TMPRSS9: variants seen among roughly 807,000 people sequenced by gnomAD.
TMPRSS9 encodes transmembrane protease serine 9.
Under a neutral mutation model 111.4 loss-of-function variants are expected in TMPRSS9, and 113 were observed. The observed-to-expected ratio is 1.01, with a 90% CI of 0.87 to 1.19. TMPRSS9 has a LOEUF of 1.19. Among genes scored for constraint, TMPRSS9 ranks in the 50% most tolerant of loss-of-function variants. The pLI is 0.00. For synonymous variants in TMPRSS9, 805 were observed against 659.1 expected, an observed-to-expected ratio of 1.22 and a Z score of -3.39; for missense variants, 1,803 against 1,513.1, an observed-to-expected ratio of 1.19 and a Z score of -3.18.
At chr19:2,385,502 A>C (rs1353084733), upstream of TMPRSS9, among the ~76,000 whole-genome samples, 1 of 152,040 alleles carries the variant, frequency 6.6e-6, no homozygotes, top group African/African-American at 2.4e-5. Flanking sequence ...AAATCCTTTT[A>C]CATTTCAAAG....
chr19:2,396,458 G>C, intron 1 of TMPRSS9, 81 bp from the exon 3 acceptor site: 2 of 1,476,138 alleles, frequency 1.4e-6, no homozygotes, highest in Middle Eastern at 4.7e-4. Flanking sequence ...AGTGCAAACA[G>C]GGCGGGGCCT....
exon 1 of TMPRSS9, chr19:2,389,814 T>C: frequency 6.2e-7 from 1 of 1,613,868 alleles, no homozygotes; most frequent in Non-Finnish European, 8.5e-7. Flanking sequence ...GACGTACACC[T>C]CGTGCCCAGG....
chr19:2,376,016 G>T (rs1355985068), intron 1 of TMPRSS9, among the ~76,000 whole-genome samples: 1 of 152,092 alleles, frequency 6.6e-6, no homozygotes, highest in East Asian at 1.9e-4. Flanking sequence ...AGTCAGCATC[G>T]AGTAGCATTG....
chr19:2,375,158 A>G (rs1447040681), intron 1 of TMPRSS9, among the ~76,000 whole-genome samples: 95 of 152,178 alleles, frequency 6.2e-4, no homozygotes, highest in Non-Finnish European at 1.2e-4. Flanking sequence ...CCCCACGTCT[A>G]CACGTGGCAG....
At position 2,408,894 on chromosome 19, in the gene TMPRSS9, CAGG is replaced by C. The variant is rs530136466; in HGVS notation, c.1117+267_1117+269del. ...ATTCCAGCTACTCAGGAGGCTAAGG[CAGG>C]AGAATTGCTTGAACCCAGGAGATGG... On this transcript the variant is annotated intron_variant, in intron 8 of 17. Coordinates refer to ENST00000648592, the Ensembl canonical transcript of TMPRSS9. Among the ~76,000 whole-genome samples the C allele has an allele frequency of 1.4e-3, 209 of 151,194 alleles. 1 individual carries two copies. Among genetic ancestry groups the C allele is most frequent in the African/African-American group, 5.0e-3 (206 of 41,172 alleles).
intron 1 of TMPRSS9, among the ~76,000 whole-genome samples, chr19:2,371,237 G>A (rs540344834): frequency 2.0e-5 from 3 of 152,242 alleles, no homozygotes; most frequent in South Asian, 2.1e-4. Flanking sequence ...CTATTGCCTC[G>A]TTCACAGTCG....
Position 2,369,307 on chromosome 19 carries a change from T to TGAGCTGAGAAGACTGTGG in TMPRSS9, c.-26+8951_-26+8968dup, listed in dbSNP as rs1970271905. The stretch of plus-strand genomic sequence containing the variant: ...TGAGTACGAAAGTGGAGCTGCTGTC[T>TGAGCTGAGAAGACTGTGG]GAGCTGAGAAGACTGTGGGAGGAGC... On this transcript the variant is annotated intron_variant, in intron 1 of 17. Coordinates refer to the TMPRSS9 transcript ENST00000649857. Among the ~76,000 whole-genome samples the TGAGCTGAGAAGACTGTGG allele has an allele frequency of 2.6e-5, 4 of 152,280 alleles. No homozygotes were observed. The South Asian group carries it at 6.2e-4, about 24-fold the overall frequency.
chr19:2,394,684 C>T lies in TMPRSS9; in HGVS notation c.143-1855C>T, dbSNP rs566242342. 1.1e-3 allele frequency among the ~76,000 whole-genome samples: 165 copies of T among 152,178 alleles called. 1 individual carries two copies. The highest frequency in any genetic ancestry group is 5.1e-4 in the Non-Finnish European group (35 of 67,980). ...ACTGAATATATGGCTACGTAAATAC[C>T]CATCTAGCATATCTATCCATTTAGG... On this transcript the variant is annotated intron_variant, in intron 1 of 17. Coordinates refer to ENST00000648592, the Ensembl canonical transcript of TMPRSS9.
exon 18 of TMPRSS9, chr19:2,426,058 A>G: frequency 2.5e-6 from 4 of 1,609,208 alleles, no homozygotes; most frequent in Non-Finnish European, 3.4e-6. Context: ...CAGCTGTGAG[A>G]GGCTGGATAG....
intron 7 of TMPRSS9, among the ~76,000 whole-genome samples, chr19:2,407,747 A>C (rs1971002058): frequency 1.4e-5 from 2 of 146,510 alleles, no homozygotes; most frequent in South Asian, 4.3e-4. Flanking sequence ...CCTCCTGAGG[A>C]GCTGAAACCA....
At chr19:2,399,255 A>C in intron 4 of TMPRSS9, 62 bp downstream of exon 5, 2 of 1,508,736 alleles carry the variant, frequency 1.3e-6, no homozygotes, top group Non-Finnish European at 1.8e-6. Flanking sequence ...CAGGAGCTGC[A>C]AGATACATTT....
chr19:2,387,960 C>A (rs1286569222), upstream of TMPRSS9, among the ~76,000 whole-genome samples: 2 of 151,698 alleles, frequency 1.3e-5, no homozygotes, highest in Admixed American at 1.3e-4. Context: ...GGTGGGCTGT[C>A]CAGAGCCGTA....
rs919990556 is a variant in TMPRSS9 at position 2,379,181 on chromosome 19, C to CTTT, written c.-25-10560_-25-10558dup. Reference sequence around the variant, plus strand: ...TAAGACAAAGCCTGAGCTTCTTTCTCTTTTTTTTTTTTTTTTTTTTTTGAG... The same window carrying CTTT: ...TAAGACAAAGCCTGAGCTTCTTTCTCTTTTTTTTTTTTTTTTTTTTTTTTTGAG... On this transcript the variant is annotated intron_variant, in intron 1 of 17. Transcript: ENST00000649857. 9.0e-3 allele frequency among the ~76,000 whole-genome samples: 892 copies of CTTT among 99,336 alleles called. 35 individuals carry two copies. Among genetic ancestry groups the CTTT allele is most frequent in the Middle Eastern group, 0.026 (4 of 154 alleles). The allele number at this position is 99,336 out of a possible 152,430, so 65.2% of individuals were successfully genotyped here.
At chr19:2,378,183 C>T (rs958817409) in intron 1 of TMPRSS9, among the ~76,000 whole-genome samples, 9 of 152,268 alleles carry the variant, frequency 5.9e-5, no homozygotes, top group African/African-American at 1.2e-4. Flanking sequence ...CCTGACCCCC[C>T]TTTTCCTTAT....
intron 9 of TMPRSS9, among the ~76,000 whole-genome samples, chr19:2,412,037 T>C (rs1277267581): frequency 6.6e-6 from 1 of 152,150 alleles, no homozygotes; most frequent in African/African-American, 2.4e-5. Context: ...CAGGCAAACG[T>C]AAGTTATTCT....
At chr19:2,399,040 G>C (rs1275144262) in exon 4 of TMPRSS9, 3 of 1,612,274 alleles carry the variant, frequency 1.9e-6, no homozygotes, top group Admixed American at 1.7e-5. Context: ...CAGTGTCCTC[G>C]TACATTTCCA....
chr19:2,369,564 A>G (rs1346859005), intron 1 of TMPRSS9, among the ~76,000 whole-genome samples: 1 of 150,032 alleles, frequency 6.7e-6, no homozygotes, highest in Non-Finnish European at 1.5e-5. Flanking sequence ...AGCTGGGACT[A>G]CAGGTGTGTG....
At chr19:2,377,505 TC>T (rs1209346697) in intron 1 of TMPRSS9, among the ~76,000 whole-genome samples, 1 of 16,968 alleles carries the variant, frequency 5.9e-5, no homozygotes, top group African/African-American at 3.4e-4. Context: ...CCTCTCCCCT[TC>T]CCCCTCCCCT....
chr19:2,366,814 G>A (rs937988139), intron 1 of TMPRSS9, among the ~76,000 whole-genome samples: 5 of 139,270 alleles, frequency 3.6e-5, no homozygotes, highest in Admixed American at 7.8e-5. Flanking sequence ...CCAAGATTGC[G>A]CCACTGCACT....
Sources: gnomAD v4.1 joint callset for allele counts (sites outside exome capture counted in the v4.1 genomes callset) on GRCh38, gnomAD v4.1.1 for gene constraint, MANE v1.5 for transcripts, NCBI Gene and HGNC (gene_info 2026-07-23, HGNC 2026-07-21) for gene names.